PDGFD: variants seen among roughly 807,000 people sequenced by gnomAD.
PDGFD encodes the protein platelet derived growth factor D, also known as platelet-derived growth factor D.
In PDGFD, 30 loss-of-function variants were observed where a neutral mutation model predicts 44.7. The ratio of observed to expected loss-of-function variants is 0.67; its 90% CI spans 0.50 to 0.91. The LOEUF (loss-of-function observed/expected upper bound fraction) is 0.91, where lower values mean the gene tolerates loss of function less well. Among genes scored for constraint, PDGFD ranks in the 40% least tolerant of loss-of-function variants. The pLI, the probability that PDGFD is intolerant of heterozygous loss-of-function variation, is 0.00. For missense variants in PDGFD, 445 were observed against 457.8 expected (o/e 0.97, Z 0.25); for synonymous variants, 173 against 168.4 (o/e 1.03, Z -0.21).
intron 3 of PDGFD, among the ~76,000 whole-genome samples, chr11:103,955,000 T>C (rs1458693979): frequency 1.1e-4 from 17 of 149,682 alleles, no homozygotes; most frequent in Admixed American, 7.3e-4. Flanking sequence ...CCGTCTCTAC[T>C]AAAAATACAA....
chr11:103,947,914 T>C (rs930936109), intron 3 of PDGFD, among the ~76,000 whole-genome samples, 190 bp from the exon 4 acceptor site: 2 of 152,154 alleles, frequency 1.3e-5, no homozygotes, highest in Non-Finnish European at 2.9e-5. Flanking sequence ...ATTTAAGACA[T>C]GGACATTTTC....
chr11:104,013,721 G>T (rs756469316), intron 1 of PDGFD, among the ~76,000 whole-genome samples: 1 of 151,926 alleles, frequency 6.6e-6, no homozygotes, highest in Non-Finnish European at 1.5e-5. Flanking sequence ...CATCAGGCTT[G>T]ACTTGTCTTT....
intron 1 of PDGFD, among the ~76,000 whole-genome samples, chr11:104,083,207 C>T (rs1477860952): frequency 6.6e-6 from 1 of 152,118 alleles, no homozygotes; most frequent in African/African-American, 2.4e-5. Context: ...AAATACATCT[C>T]AGAATCTTGG....
rs377650195 is a variant in PDGFD at position 104,163,920 on chromosome 11, C to G, written c.8G>C (p.Arg3Pro). Residue 3 changes from arginine to proline, a missense_variant, in exon 1 of 7, where the codon CGG becomes CCG. Transcript: ENST00000393158. ...GATTAGAGTGTAGACAAAGATGAGCCGGTGCATTTGGGATCAGCGACTAGA... is the reference window on the plus strand; with the variant it reads ...GATTAGAGTGTAGACAAAGATGAGCGGGTGCATTTGGGATCAGCGACTAGA... MH[R>P]LIFVYTLICA... 2.6e-6 allele frequency: 4 copies of G among 1,546,376 alleles called. No individual in the cohort carries two copies. The highest frequency in any genetic ancestry group is 3.5e-6 in the Non-Finnish European group (4 of 1,132,452).
At chr11:104,071,138 T>G (rs1860869152) in intron 1 of PDGFD, among the ~76,000 whole-genome samples, 1 of 151,944 alleles carries the variant, frequency 6.6e-6, no homozygotes, top group Non-Finnish European at 1.5e-5. Flanking sequence ...TACATAAATT[T>G]TAAGTGTATA....
intron 3 of PDGFD, among the ~76,000 whole-genome samples, chr11:103,985,132 TTTAATATATAATATATTA>T (rs1859341881): frequency 7.1e-6 from 1 of 141,496 alleles, no homozygotes; most frequent in Non-Finnish European, 1.5e-5. Flanking sequence ...TATTAATTTA[TTTAATATATAATATATTA>T]ATTTATTTAA....
intron 1 of PDGFD, among the ~76,000 whole-genome samples, chr11:104,157,354 G>A (rs1221782865): frequency 6.6e-6 from 1 of 152,144 alleles, no homozygotes; most frequent in Non-Finnish European, 1.5e-5. Flanking sequence ...CCTCGGCCTT[G>A]CGGACTATTC....
chr11:104,164,111 T>A lies in PDGFD; in HGVS notation c.-184A>T. The stretch of plus-strand genomic sequence containing the variant: ...GCTGAACTTTCCGAGCGCGTGTGGG[T>A]GCCGCACTTCCTTGTGGTGCTGAGC... On this transcript the variant is annotated 5_prime_UTR_variant, in exon 1 of 7. Coordinates refer to ENST00000393158, the MANE Select transcript of PDGFD (RefSeq NM_025208.5). 1 of 513,996 alleles carries A rather than the reference T, an allele frequency of 1.9e-6. No individual in the cohort carries two copies. The highest frequency in any genetic ancestry group is 3.3e-6 in the Non-Finnish European group (1 of 300,006). The allele number at this position is 513,996 out of a possible 1,614,324, so 31.8% of individuals were successfully genotyped here.
chr11:103,952,174 C>T (rs1276549606), intron 3 of PDGFD, among the ~76,000 whole-genome samples: 2 of 152,154 alleles, frequency 1.3e-5, no homozygotes, highest in Non-Finnish European at 2.9e-5. Flanking sequence ...AAAACAAACT[C>T]CTTTTTGTGG....
At chr11:103,976,235 A>G (rs1054683230) in intron 3 of PDGFD, among the ~76,000 whole-genome samples, 2 of 152,068 alleles carry the variant, frequency 1.3e-5, no homozygotes, top group African/African-American at 4.8e-5. Flanking sequence ...TGCTATTGTC[A>G]ATAGTGGCTA....
intron 1 of PDGFD, among the ~76,000 whole-genome samples, chr11:104,022,785 G>C (rs1321729648): frequency 6.6e-6 from 1 of 151,588 alleles, no homozygotes; most frequent in Non-Finnish European, 1.5e-5. Context: ...ACAAAATTTA[G>C]TGTGTGTGTG....
intron 1 of PDGFD, among the ~76,000 whole-genome samples, chr11:104,086,233 T>C (rs1222804329): frequency 6.6e-6 from 1 of 152,024 alleles, no homozygotes; most frequent in Non-Finnish European, 1.5e-5. Flanking sequence ...GAAGAAGATG[T>C]GGGAGATGAG....
At chr11:104,018,139 C>T (rs182263000) in intron 1 of PDGFD, among the ~76,000 whole-genome samples, 128 of 152,076 alleles carry the variant, frequency 8.4e-4, no homozygotes, top group African/African-American at 2.7e-3. Flanking sequence ...AATTGCACCC[C>T]ACCCCCCTCC....
In PDGFD at chr11:103,955,492, C is replaced by T. The variant is rs377368974; in HGVS notation, c.511-7768G>A. Among the ~76,000 whole-genome samples the T allele has an allele frequency of 5.0e-4, 76 of 152,310 alleles. 1 individual carries two copies. The East Asian group carries it at 0.014, about 28-fold the overall frequency. ...TAGAATAAAGCAAAAATTAAAAACC[C>T]TTAGAATCAATAAAACTCTGTAGCC... is the stretch of plus-strand genomic sequence containing the variant. On this transcript the variant is annotated intron_variant, in intron 3 of 6. Coordinates refer to ENST00000393158, the MANE Select transcript of PDGFD (RefSeq NM_025208.5).
At chr11:104,109,958 T>C (rs961766407) in intron 1 of PDGFD, among the ~76,000 whole-genome samples, 1 of 151,960 alleles carries the variant, frequency 6.6e-6, no homozygotes, top group Non-Finnish European at 1.5e-5. Flanking sequence ...TTGGTAAGAG[T>C]GGCATAATAA....
intron 1 of PDGFD, among the ~76,000 whole-genome samples, chr11:104,119,834 CAAT>C (rs1565341192): frequency 9.3e-6 from 1 of 107,198 alleles, no homozygotes; most frequent in African/African-American, 3.7e-5. Context: ...ACTATATAAT[CAAT>C]TATTATATAT....
chr11:104,149,845 G>A (rs2119901138), intron 1 of PDGFD, among the ~76,000 whole-genome samples: 1 of 152,036 alleles, frequency 6.6e-6, no homozygotes. Context: ...GCCGGAAATT[G>A]ATTTTTTTTT....
At chr11:104,077,709 C>A (rs1230696922) in intron 1 of PDGFD, among the ~76,000 whole-genome samples, 1 of 147,582 alleles carries the variant, frequency 6.8e-6, no homozygotes, top group Non-Finnish European at 1.5e-5. Flanking sequence ...GATCCTCCAT[C>A]CCAAAGCATA....
chr11:104,054,895 C>A (rs929164719), intron 1 of PDGFD, among the ~76,000 whole-genome samples: 1 of 152,192 alleles, frequency 6.6e-6, no homozygotes, highest in Non-Finnish European at 1.5e-5. Flanking sequence ...GTGGAGGGAA[C>A]CAGCCTCAGG....
Sources: gnomAD v4.1 joint callset for allele counts (sites outside exome capture counted in the v4.1 genomes callset) on GRCh38, gnomAD v4.1.1 for gene constraint, MANE v1.5 for transcripts, NCBI Gene and HGNC (gene_info 2026-07-23, HGNC 2026-07-21) for gene names.